Variants in FRMD4B observed in about 807,000 individuals in gnomAD.
The protein encoded by FRMD4B is FERM domain containing 4B, also known as FERM domain-containing protein 4B.
In FRMD4B, 74 loss-of-function variants were observed where a neutral mutation model predicts 141.5. The observed-to-expected ratio is 0.52, with a 90% CI of 0.43 to 0.63. The LOEUF (loss-of-function observed/expected upper bound fraction) is 0.63. Among genes scored for constraint, FRMD4B ranks in the 30% least tolerant of loss-of-function variants. The pLI is 0.00. For synonymous variants in FRMD4B, 506 were observed against 467.9 expected, an observed-to-expected ratio of 1.08 and a Z score of -1.05; for missense variants, 1,366 against 1,253.4, an observed-to-expected ratio of 1.09 and a Z score of -1.36.
chr3:69,355,606 G>C (rs1229345503), intron 1 of FRMD4B, among the ~76,000 whole-genome samples: 3 of 152,134 alleles, frequency 2.0e-5, no homozygotes, highest in Non-Finnish European at 4.4e-5. Context: ...ATTAGGCAAG[G>C]CTAAAACCAG....
rs374033413 is a variant in FRMD4B at position 69,520,538 on chromosome 3, C to G, written c.-129+21668G>C. On this transcript the variant is annotated intron_variant, in intron 1 of 5. Coordinates refer to the FRMD4B transcript ENST00000459638. Reference sequence around the variant, plus strand: ...TGCCTCAGCTATACCACAGGTCTCTCTCTTTCTATCCTGGGGCTTGGCATG... The same window carrying G: ...TGCCTCAGCTATACCACAGGTCTCTGTCTTTCTATCCTGGGGCTTGGCATG... 2.0e-5 allele frequency among the ~76,000 whole-genome samples: 3 copies of G among 151,778 alleles called. No homozygotes were observed. The East Asian group carries it at 5.8e-4, about 30-fold the overall frequency.
Position 69,242,594 on chromosome 3 carries a change from C to T in FRMD4B, c.581+6632G>A, listed in dbSNP as rs936104727. Among the ~76,000 whole-genome samples, 3 of 130,460 alleles carry T rather than the reference C, an allele frequency of 2.3e-5. No individual in the cohort carries two copies. The Admixed American group carries it at 2.9e-4, about 13-fold the overall frequency. The allele number at this position is 130,460 out of a possible 152,430, so 85.6% of individuals were successfully genotyped here. On this transcript the variant is annotated intron_variant, in intron 7 of 22. Transcript: ENST00000398540. ...GGGTGTTAATATACTCTCATTCTGACCCAGCACTGAATTGCAAAATGTAGT... is the reference window on the plus strand; with the variant it reads ...GGGTGTTAATATACTCTCATTCTGATCCAGCACTGAATTGCAAAATGTAGT...
chr3:69,492,951 A>C (rs2107030125), intron 1 of FRMD4B, among the ~76,000 whole-genome samples: 1 of 152,344 alleles, frequency 6.6e-6, no homozygotes, highest in South Asian at 2.1e-4. Context: ...GATGAGGGAT[A>C]ATTCTCAGCA....
chr3:69,313,332 A>T (rs1327645839), intron 2 of FRMD4B, 120 bp downstream of exon 2: 3 of 732,764 alleles, frequency 4.1e-6, no homozygotes, highest in East Asian at 2.7e-5. Context: ...CAAAGATAAC[A>T]GAGAAGCCTG....
chr3:69,396,861 T>A (rs1258361409), intron 2 of FRMD4B, among the ~76,000 whole-genome samples: 1 of 152,184 alleles, frequency 6.6e-6, no homozygotes, highest in Non-Finnish European at 1.5e-5. Flanking sequence ...ACAGGCATTT[T>A]AAAAAACCTG....
intron 1 of FRMD4B, chr3:69,353,551 C>A: frequency 1.0e-6 from 1 of 984,246 alleles, no homozygotes; most frequent in African/African-American, 1.7e-5. Context: ...TACCTCCGAA[C>A]CACCATGACC....
At chr3:69,269,196 TG>T (rs1310600622) in intron 5 of FRMD4B, among the ~76,000 whole-genome samples, 2 of 151,882 alleles carry the variant, frequency 1.3e-5, no homozygotes, top group African/African-American at 4.9e-5. Context: ...CTCAGAGTGT[TG>T]GGATTACAGG....
intron 1 of FRMD4B, among the ~76,000 whole-genome samples, chr3:69,525,821 T>A (rs1196547275): frequency 6.7e-6 from 1 of 149,332 alleles, no homozygotes; most frequent in African/African-American, 2.5e-5. Flanking sequence ...CCTGGCTAAG[T>A]TTTGTATTTT....
chr3:69,336,600 A>T (rs1471233922), intron 1 of FRMD4B: 1 of 152,310 alleles, frequency 6.6e-6, no homozygotes, highest in Non-Finnish European at 1.5e-5. Context: ...TAAAATGGGC[A>T]TGCAAAGATG....
chr3:69,357,855 A>C (rs897399225), intron 1 of FRMD4B, among the ~76,000 whole-genome samples: 1 of 152,212 alleles, frequency 6.6e-6, no homozygotes, highest in East Asian at 1.9e-4. Context: ...GCACTAAAGA[A>C]AAAATATTTC....
intron 21 of FRMD4B, among the ~76,000 whole-genome samples, chr3:69,179,999 G>C (rs1305235226): frequency 6.6e-6 from 1 of 152,072 alleles, no homozygotes; most frequent in Non-Finnish European, 1.5e-5. Context: ...CAGAGTTAGG[G>C]GCCAAAGTCA....
chr3:69,265,270 ATATATATAT>A lies in FRMD4B; in HGVS notation c.502-15180_502-15172del, dbSNP rs1203679018. Reference sequence around the variant, plus strand: ...ACTCCATCTCAAAAAAAAAAAAAAAATATATATATATATATATATATATATATATATATA... The same window carrying A: ...ACTCCATCTCAAAAAAAAAAAAAAAAATATATATATATATATATATATATA... On this transcript the variant is annotated intron_variant, in intron 5 of 22. Coordinates refer to ENST00000398540, the MANE Select transcript of FRMD4B (RefSeq NM_015123.3). Among the ~76,000 whole-genome samples, 79 of 20,228 alleles carry A rather than the reference ATATATATAT, an allele frequency of 3.9e-3. 9 individuals are homozygous for A. The highest frequency in any genetic ancestry group is 5.7e-3 in the Non-Finnish European group (65 of 11,498). The allele number at this position is 20,228 out of a possible 152,430, so 13.3% of individuals were successfully genotyped here. A position where few individuals can be genotyped will look rare whatever the true frequency, so the allele number is the denominator to read the frequency against.
In FRMD4B at chr3:69,196,296, C is replaced by G; in HGVS notation, c.1193G>C (p.Ser398Thr). The change falls in exon 14 of 23, where the codon AGT (serine) becomes ACT (threonine). Residue 398 changes from serine to threonine, a missense_variant. By Grantham distance (58) the Ser-to-Thr change is moderately conservative. Transcript: ENST00000398540. ...ASKLVTLETKSQFIMASNGSL... is the reference protein window; with the variant it reads ...ASKLVTLETKTQFIMASNGSL... ...GCCATTACTTGCCATGATGAACTGA[C>G]TTTTCGTCTCCAGTGTCACCAGCTT... The G allele has an allele frequency of 6.2e-7, 1 of 1,609,456 alleles. No individual in the cohort carries two copies. The highest frequency in any genetic ancestry group is 8.5e-7 in the Non-Finnish European group (1 of 1,177,802).
intron 4 of FRMD4B, among the ~76,000 whole-genome samples, chr3:69,293,541 T>G (rs78298613): frequency 0.018 from 2,709 of 152,074 alleles, 78 homozygotes; most frequent in African/African-American, 0.061. Flanking sequence ...AGGCACTGAC[T>G]TAGTTGGGAA....
intron 1 of FRMD4B, among the ~76,000 whole-genome samples, chr3:69,316,316 A>C (rs1308604687): frequency 6.6e-6 from 1 of 152,172 alleles, no homozygotes; most frequent in Non-Finnish European, 1.5e-5. Flanking sequence ...GCAAGTCTTT[A>C]TTAGCTCTAG....
chr3:69,328,428 C>G (rs570969077), intron 1 of FRMD4B, among the ~76,000 whole-genome samples: 1 of 152,194 alleles, frequency 6.6e-6, no homozygotes, highest in African/African-American at 2.4e-5. Context: ...TTCCCCAGAG[C>G]TGGTTGTGTC....
At chr3:69,470,596 T>C (rs1341616487) in intron 1 of FRMD4B, among the ~76,000 whole-genome samples, 1 of 152,144 alleles carries the variant, frequency 6.6e-6, no homozygotes, top group East Asian at 1.9e-4. Flanking sequence ...TCTGGGGAGC[T>C]GGTAAGCTCC....
intron 5 of FRMD4B, among the ~76,000 whole-genome samples, chr3:69,260,330 T>C (rs1234641593): frequency 9.9e-5 from 15 of 152,188 alleles, no homozygotes; most frequent in African/African-American, 3.6e-4. Flanking sequence ...TCAGCACGAG[T>C]TCCGGGTGGG....
rs367980885 is a variant in FRMD4B, at chr3:69,189,921, C to T, written c.1746G>A (p.Leu582=). Residue 582 remains leucine, a synonymous_variant, in exon 18 of 23, where the codon TTG becomes TTA. Transcript: ENST00000398540. ...GATCATCATAGGTGGTGGTGTCAGA[C>T]AAAGAGCTACTCTCTGAGGGGATTA... The part of the protein sequence containing the change: ...EDIIPSESSS[L]SDTTTYDDPS... 80 of 1,602,372 alleles carry T rather than the reference C, an allele frequency of 5.0e-5. No individual in the cohort carries two copies. In the African/African-American group the frequency reaches 7.6e-4, roughly 15 times the overall value.
Sources: allele counts gnomAD v4.1 joint callset (sites outside exome capture counted in the v4.1 genomes callset), GRCh38; gene constraint gnomAD v4.1.1; transcripts MANE v1.5; gene names NCBI Gene and HGNC (gene_info 2026-07-23, HGNC 2026-07-21).